The following ZIM3 variants were observed in gnomAD, a reference collection of about 807,000 sequenced individuals.
ZIM3 encodes zinc finger imprinted 3, also known as zinc finger protein 657.
Under a neutral mutation model 12.9 loss-of-function variants are expected in ZIM3, and 11 were observed. The observed-to-expected ratio is 0.85, with a 90% CI of 0.54 to 1.41. ZIM3 has a LOEUF of 1.41. Ranked by LOEUF, ZIM3 falls within the 40% of genes most tolerant of loss-of-function variation. The pLI is 0.00. For missense variants in ZIM3, 604 were observed against 557.2 expected (o/e 1.08, Z -0.85); for synonymous variants, 205 against 198.5 (o/e 1.03, Z -0.28).
At chr19:57,143,291 A>G (rs1219221986) in intron 1 of ZIM3, among the ~76,000 whole-genome samples, 2 of 150,992 alleles carry the variant, frequency 1.3e-5, no homozygotes, top group African/African-American at 2.4e-5. Context: ...AGATCGCGCC[A>G]CCGCACTCCA....
At chr19:57,144,473 A>G (rs1334568772) in intron 1 of ZIM3, among the ~76,000 whole-genome samples, 1 of 152,148 alleles carries the variant, frequency 6.6e-6, no homozygotes, top group Non-Finnish European at 1.5e-5. Flanking sequence ...AATTTTAAAA[A>G]ACAGTAAATT....
At chr19:57,137,926 G>A (rs1350061536) in intron 3 of ZIM3, among the ~76,000 whole-genome samples, 29 of 38,398 alleles carry the variant, frequency 7.6e-4, no homozygotes, top group African/African-American at 3.0e-3. Flanking sequence ...AAGGAAAGAA[G>A]GAAGGAAGGA....
chr19:57,140,895 CT>C (rs2086910670), intron 2 of ZIM3, among the ~76,000 whole-genome samples: 1 of 152,186 alleles, frequency 6.6e-6, no homozygotes, highest in South Asian at 2.1e-4. Flanking sequence ...CCATAATTTA[CT>C]TTGATTCCGA....
Position 57,135,786 on chromosome 19 carries a change from C to A in ZIM3, c.551G>T (p.Ser184Ile). ...TTGACAGGCATGCCTCCTCAGGTGA[C>A]TTTGAAGGCGTGACTTTGAACTGAA... Reference protein sequence around the residue: ...KLFSSKSRLQSHLRRHACQKP... With the variant: ...KLFSSKSRLQIHLRRHACQKP... Residue 184 changes from serine to isoleucine, a missense_variant, in exon 5 of 5, where the codon AGT becomes ATT. Transcript: ENST00000269834. The A allele has an allele frequency of 6.2e-7, 1 of 1,614,050 alleles. No homozygotes were observed. The highest frequency in any genetic ancestry group is 1.1e-5 in the South Asian group (1 of 91,088).
At position 57,135,132 on chromosome 19, in the gene ZIM3, TGAAA is replaced by T. The variant is rs2086879622; in HGVS notation, c.1201_1204del (p.Phe401ArgfsTer31). ...CTGATGGCTATGAAGGTTTGACTTC[TGAAA>T]GAAGGCTTTTCCACATCTGTTACAT... On this transcript the variant is annotated frameshift_variant, in exon 5 of 5. Transcript: ENST00000269834. LOFTEE classifies it low-confidence loss of function (END_TRUNC). 1 of 1,614,118 alleles carries T rather than the reference TGAAA, an allele frequency of 6.2e-7. No homozygotes were observed. The highest frequency in any genetic ancestry group is 1.7e-5 in the Admixed American group (1 of 60,004).
intron 2 of ZIM3, among the ~76,000 whole-genome samples, chr19:57,142,268 A>G (rs1487187223): frequency 6.7e-6 from 1 of 150,214 alleles, no homozygotes; most frequent in Non-Finnish European, 1.5e-5. Context: ...CTCCGCCTCC[A>G]GAGTAGCTGA....
At chr19:57,143,307 G>A (rs964416713) in intron 1 of ZIM3, among the ~76,000 whole-genome samples, 20 of 150,944 alleles carry the variant, frequency 1.3e-4, no homozygotes, top group Admixed American at 9.3e-4. Context: ...CTCCAGCCTG[G>A]GCGACAGAGC....
At chr19:57,138,702 T>C (rs2086901073) in intron 2 of ZIM3, 104 bp from the exon 3 acceptor site, 9 of 1,405,086 alleles carry the variant, frequency 6.4e-6, no homozygotes, top group Non-Finnish European at 8.8e-6. Context: ...ATGTCCATAA[T>C]TCACTCTACT....
At chr19:57,143,700 A>G (rs748651222) in intron 1 of ZIM3, among the ~76,000 whole-genome samples, 7 of 148,126 alleles carry the variant, frequency 4.7e-5, no homozygotes, top group Non-Finnish European at 1.0e-4. Context: ...TTTTAAGACC[A>G]AGTCTTGCTC....
chr19:57,138,022 A>G (rs867486815), intron 3 of ZIM3, among the ~76,000 whole-genome samples: 3 of 42,044 alleles, frequency 7.1e-5, no homozygotes, highest in African/African-American at 1.5e-4. Context: ...AAGGAAGGAA[A>G]GAAGGAAGGA....
In ZIM3 at chr19:57,134,727, A is replaced by T; in HGVS notation, c.*191T>A. 5.2e-6 allele frequency: 3 copies of T among 575,400 alleles called. No individual in the cohort carries two copies. Among genetic ancestry groups the T allele is most frequent in the South Asian group, 2.7e-5 (1 of 37,062 alleles). 35.6% of individuals were successfully genotyped at this position (575,400 alleles called of 1,614,324 possible). ...AGTTCCTGGTACACAAAAGGCATCTAATAAATATTTATACTTAATAAACAT... is the reference window on the plus strand; with the variant it reads ...AGTTCCTGGTACACAAAAGGCATCTTATAAATATTTATACTTAATAAACAT... On this transcript the variant is annotated 3_prime_UTR_variant, in exon 5 of 5. Transcript: ENST00000269834.
intron 2 of ZIM3, among the ~76,000 whole-genome samples, chr19:57,139,359 A>T (rs1568459243): frequency 6.6e-6 from 1 of 151,902 alleles, no homozygotes; most frequent in Non-Finnish European, 1.5e-5. Flanking sequence ...AAAGAAAAGA[A>T]AAGAAAATGT....
At chr19:57,143,324 C>A (rs2086923030) in intron 1 of ZIM3, among the ~76,000 whole-genome samples, 2 of 145,398 alleles carry the variant, frequency 1.4e-5, no homozygotes, top group Admixed American at 6.9e-5. Flanking sequence ...GAGCGAGACT[C>A]CGTCCCAAAA....
chr19:57,138,171 T>A (rs2122664840), intron 3 of ZIM3, among the ~76,000 whole-genome samples: 1 of 151,892 alleles, frequency 6.6e-6, no homozygotes, highest in South Asian at 2.1e-4. Flanking sequence ...TGCTTTTTCT[T>A]CTTGGAGGAT....
In ZIM3 at chr19:57,136,013, A is replaced by G; in HGVS notation, c.324T>C (p.Asn108=). 6.2e-7 allele frequency: 1 copy of G among 1,614,100 alleles called. No homozygotes were observed. The highest frequency in any genetic ancestry group is 2.2e-5 in the East Asian group (1 of 44,858). ...CTTTCTGCGTAGTCAGCGTTTCCTT[A>G]TTGATTGATGGGACTTCTCTTGCGA... is the stretch of plus-strand genomic sequence containing the variant. The part of the protein sequence containing the change: ...ESLAREVPSI[N]KETLTTQKGV... The change falls in exon 5 of 5, where the codon AAT becomes AAC. Residue 108 remains asparagine (N), a synonymous_variant. Transcript: ENST00000269834.
intron 2 of ZIM3, among the ~76,000 whole-genome samples, chr19:57,141,547 T>C (rs1270176538): frequency 1.3e-5 from 2 of 152,120 alleles, no homozygotes; most frequent in African/African-American, 4.8e-5. Context: ...ACCCTTCCGC[T>C]GTTAAAGCTT....
At chr19:57,142,506 T>C (rs1166057714) in intron 2 of ZIM3, 123 bp downstream of exon 2, 2 of 1,014,180 alleles carry the variant, frequency 2.0e-6, no homozygotes, top group African/African-American at 3.2e-5. Context: ...TGTTACCTTT[T>C]AATAGAAGTA....
rs1389303678 is a variant in ZIM3, at chr19:57,138,625, T to C, written c.16-27A>G. 2.5e-6 allele frequency: 4 copies of C among 1,608,832 alleles called. No homozygotes were observed. In the South Asian group the frequency reaches 4.4e-5, roughly 18 times the overall value. ...TGTAACAACAGATTCCCGATCAGTA[T>C]AAAAATGCCATTGAATCCTGCGGCT... On this transcript the variant is annotated intron_variant, in intron 2 of 4. Transcript: ENST00000269834.
intron 2 of ZIM3, among the ~76,000 whole-genome samples, chr19:57,142,409 T>C (rs1223070923): frequency 1.3e-5 from 2 of 152,124 alleles, no homozygotes; most frequent in Admixed American, 1.3e-4. Context: ...CCTAGATTGC[T>C]GAATTACAGG....
Sources: gnomAD v4.1 joint callset for allele counts (sites outside exome capture counted in the v4.1 genomes callset) on GRCh38, gnomAD v4.1.1 for gene constraint, MANE v1.5 for transcripts, NCBI Gene and HGNC (gene_info 2026-07-23, HGNC 2026-07-21) for gene names.